The following RAPGEF2 variants were observed in gnomAD, a reference collection of about 807,000 sequenced individuals.
RAPGEF2 encodes PDZ domain containing guanine nucleotide exchange factor (GEF) 1.
A neutral mutation model predicts 186.7 loss-of-function variants in RAPGEF2; 54 were observed. That is an observed-to-expected ratio of 0.29 (90% confidence interval 0.23 to 0.36). The LOEUF (loss-of-function observed/expected upper bound fraction) is 0.36. Ranked by LOEUF, RAPGEF2 falls within the 10% of genes least tolerant of loss-of-function variation. The pLI is 1.00. For synonymous variants in RAPGEF2, 712 were observed against 705.9 expected (o/e 1.01, Z -0.14); for missense variants, 1,532 against 2,045.0 (o/e 0.75, Z 4.84).
chr4:159,104,352 G>A, intron 1 of RAPGEF2, 121 bp downstream of exon 1: 1 of 467,376 alleles, frequency 2.1e-6, no homozygotes, highest in Non-Finnish European at 3.9e-6. Flanking sequence ...CTTGCATCAG[G>A]ACCCCCAACT....
intron 7 of RAPGEF2, among the ~76,000 whole-genome samples, chr4:159,301,411 A>G (rs183947421): frequency 6.6e-6 from 1 of 152,236 alleles, no homozygotes; most frequent in East Asian, 1.9e-4. Context: ...TTGTTATCCT[A>G]ATTGGTGGGA....
At chr4:159,247,410 A>G (rs1044591276) in intron 7 of RAPGEF2, among the ~76,000 whole-genome samples, 10 of 152,352 alleles carry the variant, frequency 6.6e-5, no homozygotes, top group African/African-American at 2.4e-4. Context: ...TCTTGGCTCA[A>G]AGAAAGATAT....
intron 9 of RAPGEF2, among the ~76,000 whole-genome samples, chr4:159,318,293 T>C (rs6816396): frequency 0.3 from 45,633 of 152,088 alleles, 7,789 homozygotes; most frequent in Non-Finnish European, 0.39. Flanking sequence ...GAGAACTGTT[T>C]AGCTCTTGTT....
At chr4:159,299,174 T>C (rs1398048252) in intron 7 of RAPGEF2, among the ~76,000 whole-genome samples, 1 of 152,098 alleles carries the variant, frequency 6.6e-6, no homozygotes, top group Non-Finnish European at 1.5e-5. Flanking sequence ...AAGTGTGATA[T>C]TTATTTTACT....
intron 2 of RAPGEF2, 65 bp downstream of exon 2, chr4:159,186,777 C>A: frequency 1.1e-6 from 1 of 906,976 alleles, no homozygotes; most frequent in Non-Finnish European, 1.6e-6. Flanking sequence ...AACAATTTAA[C>A]ATTTTAATTT....
rs1356005691 is a variant in RAPGEF2 at position 159,344,025 on chromosome 4, C to G, written c.3255-11C>G. The G allele has an allele frequency of 1.3e-6, 2 of 1,532,774 alleles. No individual in the cohort carries two copies. Among genetic ancestry groups the G allele is most frequent in the Admixed American group, 1.7e-5 (1 of 59,872 alleles). The allele number at this position is 1,532,774 out of a possible 1,614,324, so 94.9% of individuals were successfully genotyped here. A position where few individuals can be genotyped will look rare whatever the true frequency, so the allele number is the denominator to read the frequency against. On this transcript the variant is annotated splice_polypyrimidine_tract_variant and intron_variant, in intron 22 of 29. Transcript: ENST00000691494. ...CACCCATGCTTCAATCTCCATGGCTCTCACTTACAGGAAGAAGAAATGGCG... is the reference window on the plus strand; with the variant it reads ...CACCCATGCTTCAATCTCCATGGCTGTCACTTACAGGAAGAAGAAATGGCG...
chr4:159,193,208 G>A lies in RAPGEF2; in HGVS notation c.149G>A (p.Cys50Tyr). ...NLREHQLRLM[C>Y]ETVRYERHEA... ...TTTTATCTCTTTTACAGGTTAATGT[G>A]TGAAACTGTGAGATATGAGAGACAC... is the stretch of plus-strand genomic sequence containing the variant. Residue 50 changes from cysteine to tyrosine, a missense_variant, in exon 3 of 30, where the codon TGT (cysteine) becomes TAT (tyrosine). Around this residue, in one of 4 missense-constraint regions of RAPGEF2, gnomAD observed 810 missense variants for 1,210.5 expected, o/e 0.67. Coordinates refer to ENST00000691494, the MANE Select transcript of RAPGEF2 (RefSeq NM_001394067.2). 1.3e-6 allele frequency: 2 copies of A among 1,500,544 alleles called. No homozygotes were observed. The highest frequency in any genetic ancestry group is 1.8e-6 in the Non-Finnish European group (2 of 1,129,892). The allele number at this position is 1,500,544 out of a possible 1,614,324, so 93.0% of individuals were successfully genotyped here.
At chr4:159,266,917 CCTCT>C (rs1269325472) in intron 7 of RAPGEF2, 7 of 185,172 alleles carry the variant, frequency 3.8e-5, no homozygotes, top group Non-Finnish European at 7.0e-5. Context: ...GGATTCCATC[CCTCT>C]GAGACTTGCT....
Position 159,343,336 on chromosome 4 carries a change from A to G in RAPGEF2, c.3186A>G (p.Ala1062=), listed in dbSNP as rs776413495. ...ATTTTGAGAAGCTAAGGATGATTGC[A>G]AAAGAAATTCGTCACGTTGGCCGAA... ...LVNFEKLRMI[A]KEIRHVGRMA... The change falls in exon 22 of 30, where the codon GCA becomes GCG. Residue 1062 remains alanine, a synonymous_variant. Coordinates refer to ENST00000691494, the MANE Select transcript of RAPGEF2 (RefSeq NM_001394067.2). The G allele has an allele frequency of 6.2e-7, 1 of 1,614,128 alleles. No individual in the cohort carries two copies. Among genetic ancestry groups the G allele is most frequent in the Non-Finnish European group, 8.5e-7 (1 of 1,179,968 alleles).
Position 159,144,879 on chromosome 4 carries a change from G to GTTTTTTTTTTT in RAPGEF2, c.69+40664_69+40674dup, listed in dbSNP as rs137978885. ...CTTCTTAATTTTTTTCTTTCTTCCT[G>GTTTTTTTTTTT]TTTTTTTTTTTTTTTTTTTTTTTTT... On this transcript the variant is annotated intron_variant, in intron 1 of 29. Transcript: ENST00000691494. Among the ~76,000 whole-genome samples the GTTTTTTTTTTT allele has an allele frequency of 9.7e-5, 9 of 92,316 alleles. 1 individual carries two copies. The highest frequency in any genetic ancestry group is 3.4e-4 in the African/African-American group (8 of 23,566). 60.6% of individuals were successfully genotyped at this position (92,316 alleles called of 152,430 possible).
At chr4:159,109,832 G>A (rs1292838834) in intron 1 of RAPGEF2, among the ~76,000 whole-genome samples, 1 of 152,208 alleles carries the variant, frequency 6.6e-6, no homozygotes, top group Non-Finnish European at 1.5e-5. Flanking sequence ...GACAACATGT[G>A]CAGCTCTTTG....
intron 1 of RAPGEF2, among the ~76,000 whole-genome samples, chr4:159,125,974 G>A (rs575966127): frequency 6.6e-6 from 1 of 152,090 alleles, no homozygotes; most frequent in Non-Finnish European, 1.5e-5. Context: ...GTATAACTTT[G>A]TAGAAAAATG....
intron 3 of RAPGEF2, among the ~76,000 whole-genome samples, chr4:159,205,561 G>T (rs918364081): frequency 2.6e-5 from 4 of 152,268 alleles, no homozygotes; most frequent in South Asian, 4.1e-4. Context: ...TGTGCCATTG[G>T]GGGAGGGACC....
intron 17 of RAPGEF2, among the ~76,000 whole-genome samples, chr4:159,337,163 G>T (rs1429040857): frequency 6.6e-6 from 1 of 152,214 alleles, no homozygotes; most frequent in Non-Finnish European, 1.5e-5. Context: ...TGTGTAGCTA[G>T]AAATTTTGAT....
intron 1 of RAPGEF2, among the ~76,000 whole-genome samples, chr4:159,172,184 C>T (rs1745981422): frequency 6.6e-6 from 1 of 152,172 alleles, no homozygotes; most frequent in Non-Finnish European, 1.5e-5. Flanking sequence ...AACCTTTTCA[C>T]TAGCCTTCTT....
intron 7 of RAPGEF2, among the ~76,000 whole-genome samples, chr4:159,300,782 G>A (rs1188319204): frequency 6.6e-6 from 1 of 152,174 alleles, no homozygotes; most frequent in Admixed American, 6.5e-5. Flanking sequence ...AAAGTTTAGA[G>A]TAAGGGATGC....
At chr4:159,321,373 A>G (rs1561276033) in intron 9 of RAPGEF2, among the ~76,000 whole-genome samples, 2 of 152,042 alleles carry the variant, frequency 1.3e-5, no homozygotes, top group Admixed American at 6.6e-5. Flanking sequence ...CAGATGGCTA[A>G]TTTTTAAAAT....
intron 1 of RAPGEF2, among the ~76,000 whole-genome samples, chr4:159,166,483 T>A (rs2111234854): frequency 6.6e-6 from 1 of 152,350 alleles, no homozygotes; most frequent in South Asian, 2.1e-4. Flanking sequence ...CATGCATTTT[T>A]ACCTCTGCTG....
chr4:159,268,111 T>C (rs766535847), intron 7 of RAPGEF2: 9 of 1,606,152 alleles, frequency 5.6e-6, no homozygotes, highest in Non-Finnish European at 7.7e-6. Context: ...TCGTGAGAGA[T>C]TGGTACATGA....
Sources: allele counts gnomAD v4.1 joint callset (sites outside exome capture counted in the v4.1 genomes callset), GRCh38; gene constraint gnomAD v4.1.1; regional missense constraint gnomAD v4.1.1; transcripts MANE v1.5; gene names NCBI Gene and HGNC (gene_info 2026-07-23, HGNC 2026-07-21).